Variants in TRAPPC9 observed in about 807,000 individuals in gnomAD.
TRAPPC9 encodes IKK2 binding protein.
Under a neutral mutation model 124.0 loss-of-function variants are expected in TRAPPC9, and 83 were observed. That is an observed-to-expected ratio of 0.67 (90% CI 0.56 to 0.80). The LOEUF (loss-of-function observed/expected upper bound fraction) is 0.80, where lower values mean the gene tolerates loss of function less well. Among genes scored for constraint, TRAPPC9 ranks in the 30% least tolerant of loss-of-function variants. TRAPPC9 has a pLI of 0.00. For synonymous variants in TRAPPC9, 638 were observed against 617.5 expected, an observed-to-expected ratio of 1.03 and a Z score of -0.49; for missense variants, 1,302 against 1,508.3, an observed-to-expected ratio of 0.86 and a Z score of 2.27.
chr8:140,260,070 T>G (rs2064365625), intron 15 of TRAPPC9, among the ~76,000 whole-genome samples: 1 of 152,218 alleles, frequency 6.6e-6, no homozygotes, highest in African/African-American at 2.4e-5. Context: ...TTTTATATTT[T>G]TTTGAATTTT....
intron 19 of TRAPPC9, among the ~76,000 whole-genome samples, chr8:139,934,528 T>G (rs1418476156): frequency 6.6e-6 from 1 of 152,246 alleles, no homozygotes; most frequent in Non-Finnish European, 1.5e-5. Context: ...TCAGTGGTAC[T>G]CATAGTGTAG....
At chr8:139,948,263 AC>A (rs1834400074) in intron 19 of TRAPPC9, among the ~76,000 whole-genome samples, 2 of 56,856 alleles carry the variant, frequency 3.5e-5, no homozygotes, top group African/African-American at 3.4e-5. Context: ...ACACACACAC[AC>A]ACACACACAC....
chr8:139,880,147 C>T (rs965482848), intron 21 of TRAPPC9, among the ~76,000 whole-genome samples: 1 of 152,208 alleles, frequency 6.6e-6, no homozygotes, highest in African/African-American at 2.4e-5. Flanking sequence ...CCCCACATGG[C>T]TTCTTCGGGA....
intron 5 of TRAPPC9, among the ~76,000 whole-genome samples, chr8:140,419,593 A>G (rs1184318503): frequency 6.6e-6 from 1 of 151,864 alleles, no homozygotes; most frequent in African/African-American, 2.4e-5. Context: ...CATCCAAATT[A>G]GAAAGGAAGA....
chr8:139,753,506 TG>T (rs2130242964), intron 21 of TRAPPC9, among the ~76,000 whole-genome samples: 1 of 152,356 alleles, frequency 6.6e-6, no homozygotes, highest in African/African-American at 2.4e-5. Context: ...TTTACTGATT[TG>T]TTCTGCTCTT....
intron 5 of TRAPPC9, among the ~76,000 whole-genome samples, chr8:140,411,822 G>C (rs2069716586): frequency 6.6e-6 from 1 of 151,944 alleles, no homozygotes. Flanking sequence ...TGATCCATAA[G>C]TCCATAACAA....
At chr8:139,942,537 T>C (rs556800764) in intron 19 of TRAPPC9, among the ~76,000 whole-genome samples, 1 of 152,320 alleles carries the variant, frequency 6.6e-6, no homozygotes, top group East Asian at 1.9e-4. Flanking sequence ...AGTTCCACAG[T>C]CAGATAAACT....
At chr8:140,299,508 C>CG (rs2065905495) in intron 11 of TRAPPC9, among the ~76,000 whole-genome samples, 1 of 152,256 alleles carries the variant, frequency 6.6e-6, no homozygotes, top group African/African-American at 2.4e-5. Flanking sequence ...CACAGAGCGC[C>CG]GCGGTTGCGC....
chr8:140,205,507 T>C (rs2062897835), intron 17 of TRAPPC9, among the ~76,000 whole-genome samples: 1 of 152,188 alleles, frequency 6.6e-6, no homozygotes, highest in Admixed American at 6.5e-5. Flanking sequence ...ATTAAGAACT[T>C]TAACTTAAAT....
chr8:140,037,910 A>ACACC (rs991517273), intron 17 of TRAPPC9, among the ~76,000 whole-genome samples: 5 of 129,106 alleles, frequency 3.9e-5, no homozygotes, highest in African/African-American at 1.3e-4. Flanking sequence ...ACACACACAC[A>ACACC]CCCCAGAGCT....
At chr8:140,037,417 A>T (rs1840964997) in intron 17 of TRAPPC9, among the ~76,000 whole-genome samples, 3 of 152,284 alleles carry the variant, frequency 2.0e-5, no homozygotes, top group Admixed American at 2.0e-4. Flanking sequence ...ATTCATAAGT[A>T]GAGCCAAGAA....
chr8:140,201,889 A>AAGGCTCAGCTGGCCCTGGTATGTC (rs2062799515), intron 17 of TRAPPC9, among the ~76,000 whole-genome samples: 1 of 152,136 alleles, frequency 6.6e-6, no homozygotes, highest in Admixed American at 6.6e-5. Flanking sequence ...AGGGAGCGAG[A>AAGGCTCAGCTGGCCCTGGTATGTC]AGGCTCAGCT....
At chr8:139,792,437 C>T (rs754512456) in intron 21 of TRAPPC9, among the ~76,000 whole-genome samples, 3 of 152,172 alleles carry the variant, frequency 2.0e-5, no homozygotes, top group Non-Finnish European at 4.4e-5. Context: ...GGCCTGGCTG[C>T]GTGTGGGCCT....
intron 15 of TRAPPC9, among the ~76,000 whole-genome samples, chr8:140,272,071 T>C (rs1201194112): frequency 2.0e-5 from 2 of 102,090 alleles, no homozygotes; most frequent in African/African-American, 4.3e-5. Context: ...GTGATGGTGA[T>C]GATGGTGGTG....
At chr8:140,157,030 T>C in intron 17 of TRAPPC9, among the ~76,000 whole-genome samples, 1 of 111,874 alleles carries the variant, frequency 8.9e-6, no homozygotes, top group Non-Finnish European at 1.8e-5. Flanking sequence ...CCCTTTTCCA[T>C]TCAAAAGCCT....
intron 17 of TRAPPC9, among the ~76,000 whole-genome samples, chr8:140,152,860 C>T (rs2061568843): frequency 6.6e-6 from 1 of 152,084 alleles, no homozygotes; most frequent in Admixed American, 6.6e-5. Flanking sequence ...CCTTTCCAAC[C>T]TGGATGCTGT....
At chr8:140,370,936 CT>C (rs767252909) in intron 8 of TRAPPC9, 27 bp downstream of exon 8, 179 of 1,612,286 alleles carry the variant, frequency 1.1e-4, no homozygotes, top group Non-Finnish European at 1.4e-4. Flanking sequence ...AAAGCAACAC[CT>C]TAGCGCCAGC....
intron 9 of TRAPPC9, among the ~76,000 whole-genome samples, chr8:140,340,504 T>A (rs1332292835): frequency 6.6e-6 from 1 of 152,230 alleles, no homozygotes; most frequent in Non-Finnish European, 1.5e-5. Flanking sequence ...ACCAGCACTG[T>A]TGAAATCCCA....
chr8:140,371,031 G>A lies in TRAPPC9; in HGVS notation c.1284C>T (p.Cys428=). ...PSIAEPGWRA[C]YKLLLETLPG... Reference sequence around the variant, plus strand: ...GCAGCGTTTCCAGGAGGAGTTTGTAGCAGGCCCTCCACCCAGGCTCCGCGA... The same window carrying A: ...GCAGCGTTTCCAGGAGGAGTTTGTAACAGGCCCTCCACCCAGGCTCCGCGA... The change falls in exon 8 of 23, where the codon TGC becomes TGT. Residue 428 remains cysteine (C), a synonymous_variant. Coordinates refer to ENST00000438773, the MANE Select transcript of TRAPPC9 (RefSeq NM_001160372.4). 6.2e-7 allele frequency: 1 copy of A among 1,614,258 alleles called. No homozygotes were observed. Among genetic ancestry groups the A allele is most frequent in the East Asian group, 2.2e-5 (1 of 44,882 alleles).
Sources: gnomAD v4.1 joint callset for allele counts (sites outside exome capture counted in the v4.1 genomes callset) on GRCh38, gnomAD v4.1.1 for gene constraint, MANE v1.5 for transcripts, NCBI Gene and HGNC (gene_info 2026-07-23, HGNC 2026-07-21) for gene names.